SEMA5A: variants seen among roughly 807,000 people sequenced by gnomAD.
SEMA5A encodes semaphorin 5A.
A neutral mutation model predicts 135.5 loss-of-function variants in SEMA5A; 55 were observed. The observed-to-expected ratio is 0.41, with a 90% confidence interval of 0.33 to 0.51. The LOEUF (loss-of-function observed/expected upper bound fraction) is 0.51, where lower values mean the gene tolerates loss of function less well. Ranked by LOEUF, SEMA5A falls within the 20% of genes least tolerant of loss-of-function variation. SEMA5A has a pLI of 0.37. For synonymous variants in SEMA5A, 580 were observed against 546.5 expected, an observed-to-expected ratio of 1.06 and a Z score of -0.85; for missense variants, 1,290 against 1,419.9, an observed-to-expected ratio of 0.91 and a Z score of 1.47.
intron 2 of SEMA5A, among the ~76,000 whole-genome samples, chr5:9,397,143 T>G (rs1358341221): frequency 6.6e-5 from 10 of 151,816 alleles, no homozygotes; most frequent in Non-Finnish European, 8.8e-5. Context: ...TAATATTAAG[T>G]GTATTGGCAA....
chr5:9,374,377 T>C (rs956716839), intron 3 of SEMA5A, among the ~76,000 whole-genome samples: 42 of 152,190 alleles, frequency 2.8e-4, no homozygotes, highest in African/African-American at 9.9e-4. Flanking sequence ...CAGTCCTTCA[T>C]CAGTAGCATC....
chr5:9,153,708 C>A (rs866194369), intron 12 of SEMA5A, among the ~76,000 whole-genome samples: 1 of 151,902 alleles, frequency 6.6e-6, no homozygotes, highest in Admixed American at 6.6e-5. Flanking sequence ...TCGAGAAGGA[C>A]GTATACCTTA....
At chr5:9,123,453 G>GGAAGGAGAAGAAAAAGGA (rs1308743965) in intron 13 of SEMA5A, among the ~76,000 whole-genome samples, 1 of 151,028 alleles carries the variant, frequency 6.6e-6, no homozygotes. Context: ...GAGGAGGAAA[G>GGAAGGAGAAGAAAAAGGA]GAAGGAGAAG....
At chr5:9,175,004 C>T (rs1330072587) in intron 11 of SEMA5A, among the ~76,000 whole-genome samples, 1 of 152,178 alleles carries the variant, frequency 6.6e-6, no homozygotes, top group African/African-American at 2.4e-5. Context: ...AATTATTCCA[C>T]ATTTTATGGT....
chr5:9,135,178 T>A (rs1003764848), intron 13 of SEMA5A, among the ~76,000 whole-genome samples: 2 of 142,264 alleles, frequency 1.4e-5, no homozygotes, highest in Non-Finnish European at 3.0e-5. Flanking sequence ...TTTCCGACTT[T>A]CTTTTTTTTT....
intron 3 of SEMA5A, among the ~76,000 whole-genome samples, chr5:9,355,390 T>C (rs1342075020): frequency 6.6e-6 from 1 of 152,066 alleles, no homozygotes. Context: ...TAGACCACAG[T>C]GGTCTAGAGA....
Position 9,066,453 on chromosome 5 carries a change from G to T in SEMA5A, c.2267C>A (p.Ser756Tyr). The T allele has an allele frequency of 6.2e-7, 1 of 1,614,250 alleles. No homozygotes were observed. The highest frequency in any genetic ancestry group is 8.5e-7 in the Non-Finnish European group (1 of 1,180,046). ...GGAGCAGCCACTGGTGCCGTCGCTA[G>T]AACAGTACCGCATTTCGATTCTCTG... ...GRQRIEMRYC[S>Y]SDGTSGCSTD... The change falls in exon 17 of 23, where the codon TCT (serine) becomes TAT (tyrosine). Residue 756 changes from serine to tyrosine, a missense_variant. Ser to Tyr is a moderately radical substitution (Grantham distance 144, BLOSUM62 -2). Coordinates refer to ENST00000382496, the MANE Select transcript of SEMA5A (RefSeq NM_003966.3).
intron 6 of SEMA5A, among the ~76,000 whole-genome samples, chr5:9,231,232 C>A (rs1747611545): frequency 6.6e-6 from 1 of 151,968 alleles, no homozygotes; most frequent in Non-Finnish European, 1.5e-5. Context: ...TTTGGAACGC[C>A]AAGGCAGGCA....
chr5:9,544,710 G>C (rs763185298), intron 1 of SEMA5A, among the ~76,000 whole-genome samples: 1 of 152,186 alleles, frequency 6.6e-6, no homozygotes, highest in Non-Finnish European at 1.5e-5. Context: ...CTCCGGCCGC[G>C]GCATCCTGGT....
At chr5:9,499,017 C>G (rs564854814) in intron 1 of SEMA5A, among the ~76,000 whole-genome samples, 3 of 152,312 alleles carry the variant, frequency 2.0e-5, no homozygotes, top group African/African-American at 7.2e-5. Flanking sequence ...AATGCCGCAA[C>G]TATGTGTGTA....
chr5:9,168,302 T>C (rs1299477089), intron 11 of SEMA5A, among the ~76,000 whole-genome samples: 3 of 152,164 alleles, frequency 2.0e-5, no homozygotes, highest in Non-Finnish European at 4.4e-5. Flanking sequence ...TCGTCAATCA[T>C]TAACAAACAT....
chr5:9,451,970 T>A (rs185672333), intron 1 of SEMA5A, among the ~76,000 whole-genome samples: 2 of 152,252 alleles, frequency 1.3e-5, no homozygotes, highest in East Asian at 1.9e-4. Context: ...ATGAAGGAAA[T>A]CTGAATAATT....
intron 11 of SEMA5A, among the ~76,000 whole-genome samples, chr5:9,167,077 T>C (rs556921202): frequency 1.3e-5 from 2 of 152,288 alleles, no homozygotes; most frequent in East Asian, 3.9e-4. Flanking sequence ...TTTTGCACTT[T>C]TGAAACATTA....
intron 11 of SEMA5A, among the ~76,000 whole-genome samples, chr5:9,164,694 T>C (rs1743509563): frequency 6.6e-6 from 1 of 152,212 alleles, no homozygotes; most frequent in Non-Finnish European, 1.5e-5. Flanking sequence ...AAAACCTTTA[T>C]GCTACTGCCT....
chr5:9,437,707 T>C (rs1229740475), intron 2 of SEMA5A, 49 bp downstream of exon 2: 3 of 51,530 alleles, frequency 5.8e-5, no homozygotes, highest in African/African-American at 9.1e-5. Context: ...AATATTTCAA[T>C]CTGTAATTTT....
intron 2 of SEMA5A, among the ~76,000 whole-genome samples, chr5:9,408,361 C>T (rs1482528016): frequency 6.6e-6 from 1 of 152,196 alleles, no homozygotes; most frequent in African/African-American, 2.4e-5. Context: ...TTTTCTACTT[C>T]CTGCACTTTT....
chr5:9,433,265 GAAAGT>G (rs1253333423), intron 2 of SEMA5A, among the ~76,000 whole-genome samples: 1 of 152,066 alleles, frequency 6.6e-6, no homozygotes, highest in Non-Finnish European at 1.5e-5. Flanking sequence ...ACAATCAGAA[GAAAGT>G]AAAGAATTTT....
chr5:9,058,006 A>G (rs976341904), intron 18 of SEMA5A, among the ~76,000 whole-genome samples: 3 of 152,186 alleles, frequency 2.0e-5, no homozygotes, highest in Admixed American at 2.0e-4. Context: ...GGGAGCCTGT[A>G]CAACCTGGTG....
chr5:9,249,508 G>A (rs1748662606), intron 5 of SEMA5A, among the ~76,000 whole-genome samples: 1 of 152,190 alleles, frequency 6.6e-6, no homozygotes, highest in South Asian at 2.1e-4. Context: ...TCTCCCGTGT[G>A]TGTAAGACAT....
Sources: allele counts gnomAD v4.1 joint callset (sites outside exome capture counted in the v4.1 genomes callset), GRCh38; gene constraint gnomAD v4.1.1; transcripts MANE v1.5; gene names NCBI Gene and HGNC (gene_info 2026-07-23, HGNC 2026-07-21).